The following PRR11 variants were observed in gnomAD, a reference collection of about 807,000 sequenced individuals.
The protein encoded by PRR11 is proline-rich protein 11.
Under a neutral mutation model 45.6 loss-of-function variants are expected in PRR11, and 30 were observed. The observed-to-expected ratio is 0.66, with a 90% CI of 0.49 to 0.89. The LOEUF (loss-of-function observed/expected upper bound fraction) is 0.89, where lower values mean the gene tolerates loss of function less well. Ranked by LOEUF, PRR11 falls within the 40% of genes least tolerant of loss-of-function variation. The pLI is 0.00. For synonymous variants in PRR11, 128 were observed against 153.5 expected (o/e 0.83, Z 1.23); for missense variants, 373 against 424.8 (o/e 0.88, Z 1.07).
At chr17:59,161,421 A>AC (rs2046652175) in intron 1 of PRR11, among the ~76,000 whole-genome samples, 1 of 151,458 alleles carries the variant, frequency 6.6e-6, no homozygotes, top group Non-Finnish European at 1.5e-5. Context: ...AAAAAAAAAA[A>AC]AACAAAAACA....
Position 59,177,292 on chromosome 17 carries a change from C to T in PRR11, c.128+7412C>T, listed in dbSNP as rs2046753123. The T allele has an allele frequency of 1.3e-5, 7 of 544,128 alleles. 1 individual carries two copies. The highest frequency in any genetic ancestry group is 9.7e-5 in the South Asian group (7 of 72,518). The allele number at this position is 544,128 out of a possible 1,614,324, so 33.7% of individuals were successfully genotyped here. On this transcript the variant is annotated intron_variant, in intron 2 of 9. Coordinates refer to ENST00000262293, the MANE Select transcript of PRR11 (RefSeq NM_018304.4). The stretch of plus-strand genomic sequence containing the variant: ...AAGGAACACAGAAAGGGAGAGGTCA[C>T]ATCTTGGGAGAGGAAGATCGTGGAG...
intron 7 of PRR11, 39 bp downstream of exon 7, chr17:59,195,482 A>G (rs764939325): frequency 3.0e-6 from 4 of 1,312,716 alleles, no homozygotes; most frequent in Non-Finnish European, 4.4e-6. Flanking sequence ...CTACTACTTA[A>G]AAGAATGATA....
chr17:59,159,849 C>A (rs890752437), intron 1 of PRR11, among the ~76,000 whole-genome samples: 3 of 152,134 alleles, frequency 2.0e-5, no homozygotes, highest in African/African-American at 4.8e-5. Context: ...AAAACCTCAA[C>A]CCTTATGGGA....
chr17:59,180,145 T>TATTGG, intron 2 of PRR11, among the ~76,000 whole-genome samples: 3 of 149,438 alleles, frequency 2.0e-5, no homozygotes, highest in African/African-American at 7.5e-5. Context: ...TTTTTTTTTT[T>TATTGG]TTTGACACAG....
intron 2 of PRR11, chr17:59,181,585 AT>A: frequency 7.4e-7 from 1 of 1,354,358 alleles, no homozygotes; most frequent in Non-Finnish European, 1.0e-6. Context: ...CTTCAGCTTC[AT>A]TTTGAGCCCA....
intron 4 of PRR11, among the ~76,000 whole-genome samples, chr17:59,191,572 C>T (rs762777247): frequency 2.4e-4 from 37 of 152,108 alleles, no homozygotes; most frequent in Non-Finnish European, 4.4e-4. Flanking sequence ...GATATACCAC[C>T]TCCACCTTTT....
At position 59,204,263 on chromosome 17, in the gene PRR11, T is replaced by C. The variant is rs2046907040; in HGVS notation, c.*2632T>C. On this transcript the variant is annotated 3_prime_UTR_variant, in exon 10 of 10. Transcript: ENST00000262293. ...TCAAAAAAATTAGCCAGGTGTGATGTTGTGTGCCTGTAGTCCCAGCTACTT... is the reference window on the plus strand; with the variant it reads ...TCAAAAAAATTAGCCAGGTGTGATGCTGTGTGCCTGTAGTCCCAGCTACTT... 6.6e-6 allele frequency: 1 copy of C among 151,318 alleles called. No individual in the cohort carries two copies. The highest frequency in any genetic ancestry group is 1.5e-5 in the Non-Finnish European group (1 of 67,908). 9.4% of individuals were successfully genotyped at this position (151,318 alleles called of 1,614,324 possible).
chr17:59,197,212 G>A (rs1227422058), intron 7 of PRR11, among the ~76,000 whole-genome samples: 1 of 151,310 alleles, frequency 6.6e-6, no homozygotes, highest in Non-Finnish European at 1.5e-5. Context: ...AGAAATGATT[G>A]CTTTCCTTTG....
Position 59,197,534 on chromosome 17 carries a change from G to A in PRR11, c.858-10G>A. The A allele has an allele frequency of 5.6e-6, 9 of 1,612,774 alleles. No homozygotes were observed. The highest frequency in any genetic ancestry group is 7.6e-6 in the Non-Finnish European group (9 of 1,179,010). The stretch of plus-strand genomic sequence containing the variant: ...CCAAAGTTCTAATTTTTATATCTTT[G>A]TTTTATCAGCACTCCTGGAAAAAGT... On this transcript the variant is annotated splice_polypyrimidine_tract_variant and intron_variant, in intron 7 of 9. Coordinates refer to ENST00000262293, the MANE Select transcript of PRR11 (RefSeq NM_018304.4).
intron 9 of PRR11, among the ~76,000 whole-genome samples, chr17:59,198,849 A>C (rs1180718992): frequency 1.3e-5 from 2 of 152,110 alleles, no homozygotes; most frequent in Non-Finnish European, 2.9e-5. Flanking sequence ...AAAAAGAAAA[A>C]AAAGAACTAT....
intron 2 of PRR11, chr17:59,177,311 C>T: frequency 1.8e-6 from 1 of 541,728 alleles, no homozygotes; most frequent in Non-Finnish European, 3.7e-6. Context: ...AGAGGAAGAT[C>T]GTGGAGACAG....
intron 1 of PRR11, among the ~76,000 whole-genome samples, chr17:59,159,492 A>G (rs189232289): frequency 3.9e-5 from 6 of 152,318 alleles, no homozygotes; most frequent in Admixed American, 3.9e-4. Flanking sequence ...TAGGTTTGTA[A>G]GTGGTCTCTT....
At chr17:59,174,640 GC>G (rs1410385358) in intron 2 of PRR11, among the ~76,000 whole-genome samples, 1 of 152,094 alleles carries the variant, frequency 6.6e-6, no homozygotes, top group African/African-American at 2.4e-5. Context: ...TCGCCATGTT[GC>G]CCAGGCTCGA....
chr17:59,203,183 G>A lies in PRR11; in HGVS notation c.*1552G>A, dbSNP rs889057080. ...CCACCTAAGAGGCAGTCCTGTTTTT[G>A]AGACCCACATCTATATATAGAGATT... is the stretch of plus-strand genomic sequence containing the variant. On this transcript the variant is annotated 3_prime_UTR_variant, in exon 10 of 10. Coordinates refer to ENST00000262293, the MANE Select transcript of PRR11 (RefSeq NM_018304.4). Among the ~76,000 whole-genome samples the A allele has an allele frequency of 3.3e-5, 5 of 152,092 alleles. No homozygotes were observed. Among genetic ancestry groups the A allele is most frequent in the Non-Finnish European group, 5.9e-5 (4 of 67,990 alleles).
chr17:59,196,830 T>TC (rs2046868114), intron 7 of PRR11, among the ~76,000 whole-genome samples: 1 of 152,098 alleles, frequency 6.6e-6, no homozygotes, highest in African/African-American at 2.4e-5. Flanking sequence ...CATCTTATGT[T>TC]CCCATCGGCA....
At position 59,172,686 on chromosome 17, in the gene PRR11, C is replaced by T. The variant is rs182723959; in HGVS notation, c.128+2806C>T. Among the ~76,000 whole-genome samples the T allele has an allele frequency of 1.5e-3, 232 of 152,360 alleles. 2 individuals carry two copies. The East Asian group carries it at 0.028, about 18-fold the overall frequency. ...ACCGGACCAGCAGCTGCAGGGGGTG[C>T]GCGGGGTCACCCAGCAGTGCTGGCC... is the stretch of plus-strand genomic sequence containing the variant. On this transcript the variant is annotated intron_variant, in intron 2 of 9. Transcript: ENST00000262293.
At chr17:59,183,961 A>G (rs924699116) in intron 2 of PRR11, among the ~76,000 whole-genome samples, 1 of 128,466 alleles carries the variant, frequency 7.8e-6, no homozygotes, top group African/African-American at 3.8e-5. Flanking sequence ...CAAATTAGCC[A>G]GGTGTGGTGG....
At chr17:59,175,606 G>A (rs537090909) in intron 2 of PRR11, among the ~76,000 whole-genome samples, 26 of 152,292 alleles carry the variant, frequency 1.7e-4, no homozygotes, top group African/African-American at 5.8e-4. Context: ...AGCCTGGTGT[G>A]GTGGCACACC....
chr17:59,168,503 T>C (rs1347444987), intron 1 of PRR11, among the ~76,000 whole-genome samples: 1 of 152,032 alleles, frequency 6.6e-6, no homozygotes, highest in East Asian at 1.9e-4. Flanking sequence ...AATAACTCTT[T>C]TAAGGCCCAT....
Sources: gnomAD v4.1 joint callset for allele counts (sites outside exome capture counted in the v4.1 genomes callset) on GRCh38, gnomAD v4.1.1 for gene constraint, MANE v1.5 for transcripts, NCBI Gene and HGNC (gene_info 2026-07-23, HGNC 2026-07-21) for gene names.